Variants in DCC observed in about 807,000 individuals in gnomAD.
DCC encodes DCC netrin 1 receptor.
Under a neutral mutation model 172.5 loss-of-function variants are expected in DCC, and 58 were observed. The observed-to-expected ratio is 0.34, with a 90% CI of 0.27 to 0.42. The LOEUF (loss-of-function observed/expected upper bound fraction) is 0.42. Ranked by LOEUF, DCC falls within the 10% of genes least tolerant of loss-of-function variation. The pLI is 1.00. For missense variants in DCC, 1,740 were observed against 1,791.0 expected (o/e 0.97, Z 0.51); for synonymous variants, 709 against 644.5 (o/e 1.10, Z -1.52).
intron 2 of DCC, among the ~76,000 whole-genome samples, chr18:52,896,350 T>C (rs748905389): frequency 8.5e-5 from 13 of 152,208 alleles, no homozygotes; most frequent in Admixed American, 2.0e-4. Flanking sequence ...ACACATTAAG[T>C]ATGAGTCTGC....
rs547184454 is a variant in DCC at position 53,087,467 on chromosome 18, A to G, written c.1261+21301A>G. Among the ~76,000 whole-genome samples the G allele has an allele frequency of 1.1e-4, 17 of 150,468 alleles. No homozygotes were observed. The South Asian group carries it at 1.5e-3, about 13-fold the overall frequency. ...TGGGGTTGTTTGTTTTTTTCTTGTA[A>G]ATTTGTTTGAGTTCATTGTAGATTC... On this transcript the variant is annotated intron_variant, in intron 7 of 28. Coordinates refer to ENST00000442544, the MANE Select transcript of DCC (RefSeq NM_005215.4).
At chr18:53,460,099 C>A (rs1326023387) in intron 24 of DCC, among the ~76,000 whole-genome samples, 1 of 141,020 alleles carries the variant, frequency 7.1e-6, no homozygotes, top group African/African-American at 2.6e-5. Flanking sequence ...TGAATTGGTG[C>A]AGAACAATCA....
At chr18:53,410,892 T>C (rs1667471488) in intron 20 of DCC, among the ~76,000 whole-genome samples, 1 of 150,354 alleles carries the variant, frequency 6.7e-6, no homozygotes, top group African/African-American at 2.4e-5. Context: ...AGAAGTTTAT[T>C]GATGTCATGT....
intron 7 of DCC, among the ~76,000 whole-genome samples, chr18:53,113,372 A>T (rs1474624619): frequency 6.6e-6 from 1 of 151,422 alleles, no homozygotes; most frequent in African/African-American, 2.4e-5. Flanking sequence ...TTAATGATTG[A>T]CATGATAATT....
chr18:53,428,218 ATAATTATAATTATATATATAAT>A (rs1911182707), intron 21 of DCC, among the ~76,000 whole-genome samples: 1 of 32,638 alleles, frequency 3.1e-5, no homozygotes. Flanking sequence ...ATAAGTATAT[ATAATTATAATTATATATATAAT>A]TAATTATATA....
intron 5 of DCC, among the ~76,000 whole-genome samples, chr18:52,964,700 C>T (rs2040900342): frequency 6.6e-6 from 1 of 151,938 alleles, no homozygotes; most frequent in Admixed American, 6.6e-5. Flanking sequence ...TACTAGTTTC[C>T]TATTACTGCT....
intron 1 of DCC, among the ~76,000 whole-genome samples, chr18:52,497,259 TCAAAAAAA>T (rs1281533218): frequency 2.2e-3 from 29 of 13,194 alleles, no homozygotes; most frequent in African/African-American, 2.9e-3. Flanking sequence ...AGACCCTGTA[TCAAAAAAA>T]AAAAAAAAAA....
intron 1 of DCC, among the ~76,000 whole-genome samples, chr18:52,569,126 T>C (rs572649938): frequency 6.6e-6 from 1 of 152,330 alleles, no homozygotes; most frequent in South Asian, 2.1e-4. Context: ...TACCGGATGT[T>C]TATTGCCAGC....
At chr18:52,754,484 C>A (rs35024856) in intron 2 of DCC, among the ~76,000 whole-genome samples, 42,231 of 152,052 alleles carry the variant, frequency 0.28, 7,347 homozygotes, top group Non-Finnish European at 0.4. Context: ...CACAGAACAC[C>A]CCTGCTCCTT....
intron 1 of DCC, among the ~76,000 whole-genome samples, chr18:52,502,195 C>G (rs2144629043): frequency 6.6e-6 from 1 of 152,100 alleles, no homozygotes; most frequent in African/African-American, 2.4e-5. Flanking sequence ...TGGTTCTAAG[C>G]CTTTTTGTTT....
intron 8 of DCC, among the ~76,000 whole-genome samples, chr18:53,165,059 G>A (rs1470867972): frequency 6.6e-6 from 1 of 152,182 alleles, no homozygotes; most frequent in South Asian, 2.1e-4. Flanking sequence ...TACAGTGGGA[G>A]TGCAGATGAG....
At chr18:52,511,157 T>C (rs2031424126) in intron 1 of DCC, among the ~76,000 whole-genome samples, 1 of 151,938 alleles carries the variant, frequency 6.6e-6, no homozygotes, top group South Asian at 2.1e-4. Context: ...GGTGCATGCC[T>C]GTAGTCCCAA....
Position 53,427,908 on chromosome 18 carries a change from A to G in DCC, c.3164-7236A>G, listed in dbSNP as rs1367728252. Among the ~76,000 whole-genome samples the G allele has an allele frequency of 1.8e-4, 13 of 72,856 alleles. 1 individual carries two copies. The highest frequency in any genetic ancestry group is 5.1e-4 in the African/African-American group (12 of 23,504). The allele number at this position is 72,856 out of a possible 152,430, so 47.8% of individuals were successfully genotyped here. ...TATAATATAATAAATTATATATAAT[A>G]TATAATAATATAATATATAATATAA... On this transcript the variant is annotated intron_variant, in intron 21 of 28. Coordinates refer to ENST00000442544, the MANE Select transcript of DCC (RefSeq NM_005215.4).
intron 1 of DCC, among the ~76,000 whole-genome samples, chr18:52,489,394 A>G (rs558745003): frequency 6.6e-6 from 1 of 152,254 alleles, no homozygotes; most frequent in African/African-American, 2.4e-5. Context: ...ATAATGAAGT[A>G]TGATTTTGAT....
At chr18:52,861,695 C>T (rs2039145012) in intron 2 of DCC, among the ~76,000 whole-genome samples, 1 of 152,140 alleles carries the variant, frequency 6.6e-6, no homozygotes, top group African/African-American at 2.4e-5. Flanking sequence ...TATGTCAGTT[C>T]AGGACCACGT....
At chr18:52,671,551 T>C (rs1268637620) in intron 1 of DCC, among the ~76,000 whole-genome samples, 1 of 150,634 alleles carries the variant, frequency 6.6e-6, no homozygotes, top group South Asian at 2.1e-4. Context: ...TTTTTTTTTT[T>C]TTGAGATACA....
intron 12 of DCC, among the ~76,000 whole-genome samples, chr18:53,258,946 C>T (rs2056558302): frequency 6.6e-6 from 1 of 152,106 alleles, no homozygotes; most frequent in Admixed American, 6.5e-5. Context: ...TTGAATTGAT[C>T]CCTTTACCAT....
At chr18:53,240,487 C>T (rs1002341551) in intron 12 of DCC, among the ~76,000 whole-genome samples, 1 of 152,044 alleles carries the variant, frequency 6.6e-6, no homozygotes, top group Non-Finnish European at 1.5e-5. Context: ...GGAGCTGTCC[C>T]CTGTTATCCA....
intron 1 of DCC, among the ~76,000 whole-genome samples, chr18:52,526,455 A>G (rs2031983105): frequency 6.6e-6 from 1 of 152,060 alleles, no homozygotes; most frequent in African/African-American, 2.4e-5. Flanking sequence ...GGTAAACAAC[A>G]ATTCAGAACA....
Sources: gnomAD v4.1 joint callset for allele counts (sites outside exome capture counted in the v4.1 genomes callset) on GRCh38, gnomAD v4.1.1 for gene constraint, MANE v1.5 for transcripts, NCBI Gene and HGNC (gene_info 2026-07-23, HGNC 2026-07-21) for gene names.